Variants in KMT2C observed in about 807,000 individuals in gnomAD.
The protein encoded by KMT2C is lysine methyltransferase 2C, also known as histone-lysine N-methyltransferase 2C.
KMT2C carries 88 observed loss-of-function variants against 507.9 expected under a neutral mutation model. That is an observed-to-expected ratio of 0.17 (90% confidence interval 0.15 to 0.21). The LOEUF (loss-of-function observed/expected upper bound fraction) is 0.21, where lower values mean the gene tolerates loss of function less well. KMT2C is among the 10% of genes least tolerant of loss of function. The pLI, the probability that KMT2C is intolerant of heterozygous loss-of-function variation, is 1.00. For synonymous variants in KMT2C, 2,049 were observed against 2,080.8 expected (o/e 0.98, Z 0.42); for missense variants, 4,954 against 5,957.8 (o/e 0.83, Z 5.55).
intron 43 of KMT2C, among the ~76,000 whole-genome samples, chr7:152,160,641 T>TTA (rs973158660): frequency 8.2e-5 from 12 of 146,730 alleles, no homozygotes; most frequent in South Asian, 2.1e-4. Flanking sequence ...ATATTTATAT[T>TTA]TATATATATA....
intron 5 of KMT2C, among the ~76,000 whole-genome samples, chr7:152,311,459 T>C (rs548654100): frequency 9.2e-5 from 14 of 152,272 alleles, no homozygotes; most frequent in East Asian, 3.9e-4. Context: ...CCAAATAAAA[T>C]AGACTCAGAA....
intron 14 of KMT2C, among the ~76,000 whole-genome samples, chr7:152,243,066 G>A (rs1354310767): frequency 3.3e-5 from 5 of 152,208 alleles, no homozygotes; most frequent in African/African-American, 9.6e-5. Flanking sequence ...AGCTACAGCA[G>A]CAAACACTTC....
chr7:152,387,761 G>A (rs1287861854), intron 1 of KMT2C, among the ~76,000 whole-genome samples: 6 of 152,084 alleles, frequency 3.9e-5, no homozygotes, highest in African/African-American at 1.2e-4. Flanking sequence ...GTGAGCCACC[G>A]CGCCCGGCCT....
chr7:152,262,354 C>T (rs907310788), intron 9 of KMT2C, among the ~76,000 whole-genome samples: 1 of 152,186 alleles, frequency 6.6e-6, no homozygotes, highest in African/African-American at 2.4e-5. Context: ...CCCTCAACCT[C>T]GCAACACCAG....
chr7:152,170,507 G>A (rs1563230024), intron 40 of KMT2C, among the ~76,000 whole-genome samples: 1 of 152,134 alleles, frequency 6.6e-6, no homozygotes, highest in Non-Finnish European at 1.5e-5. Flanking sequence ...TCTACTTGCT[G>A]TGTTTGTTTG....
At chr7:152,240,420 T>G (rs2095361430) in intron 14 of KMT2C, among the ~76,000 whole-genome samples, 1 of 152,274 alleles carries the variant, frequency 6.6e-6, no homozygotes, top group South Asian at 2.1e-4. Flanking sequence ...TCTTCCTCTA[T>G]TTGACTTCCA....
intron 43 of KMT2C, among the ~76,000 whole-genome samples, chr7:152,161,525 G>A (rs1221187859): frequency 6.6e-6 from 1 of 151,734 alleles, no homozygotes; most frequent in African/African-American, 2.4e-5. Flanking sequence ...ACAGATTCTT[G>A]TAAAGGTATA....
rs2129164162 is a variant in KMT2C at position 152,248,265 on chromosome 7, T to C, written c.2169A>G (p.Glu723=). The change falls in exon 14 of 59, where the codon GAA becomes GAG. Residue 723 remains glutamate (E), a synonymous_variant. Coordinates refer to ENST00000262189, the MANE Select transcript of KMT2C (RefSeq NM_170606.3). ...EQLVIERLQG[E]KEQKENSELS... is the part of the protein sequence containing the mutation. ...GTTCAGAATTTTCTTTCTGTTCCTT[T>C]TCTCCTTGTAGCCTTTCTATAACCA... 1.2e-6 allele frequency: 2 copies of C among 1,613,950 alleles called. No homozygotes were observed. The highest frequency in any genetic ancestry group is 1.7e-6 in the Non-Finnish European group (2 of 1,179,814).
intron 2 of KMT2C, among the ~76,000 whole-genome samples, chr7:152,339,839 CAT>C (rs926071062): frequency 2.0e-5 from 3 of 152,070 alleles, no homozygotes; most frequent in African/African-American, 7.2e-5. Flanking sequence ...AGATAAATCT[CAT>C]ATATAGATAC....
rs960848362 is a variant in KMT2C, at chr7:152,154,034, A to G, written c.12252T>C (p.Ile4084=). ...GPRSGLISVA[I]TLHPTAAENI... ...CCTCAGCAGCTGTAGGATGCAGAGT[A>G]ATTGCTACAGATATAAGACCTGATC... Residue 4084 remains isoleucine, a synonymous_variant, in exon 48 of 59, where the codon ATT becomes ATC. Transcript: ENST00000262189. The G allele has an allele frequency of 1.2e-6, 2 of 1,613,978 alleles. No individual in the cohort carries two copies. The highest frequency in any genetic ancestry group is 1.3e-5 in the African/African-American group (1 of 74,916).
chr7:152,366,223 C>T (rs771084162), intron 1 of KMT2C, among the ~76,000 whole-genome samples: 7 of 152,168 alleles, frequency 4.6e-5, no homozygotes, highest in Non-Finnish European at 1.0e-4. Flanking sequence ...CCATATGATC[C>T]ACAAATTCCA....
chr7:152,412,932 T>A (rs13226979), intron 1 of KMT2C, among the ~76,000 whole-genome samples: 7,420 of 152,082 alleles, frequency 0.049, 297 homozygotes, highest in African/African-American at 0.1. Context: ...GATATAGGAA[T>A]CCCACTAAAA....
rs1383286174 is a variant in KMT2C, at chr7:152,139,881, T to C, written c.14344-90A>G. ...CAAAGGTTTCACCCTCGGGTCTTATTAGAAGCCATACTTAAGTTTCACTTG... is the reference window on the plus strand; with the variant it reads ...CAAAGGTTTCACCCTCGGGTCTTATCAGAAGCCATACTTAAGTTTCACTTG... On this transcript the variant is annotated intron_variant, in intron 55 of 58. Coordinates refer to ENST00000262189, the MANE Select transcript of KMT2C (RefSeq NM_170606.3). 17 of 811,556 alleles carry C rather than the reference T, an allele frequency of 2.1e-5. No homozygotes were observed. The Admixed American group carries it at 3.7e-4, about 17-fold the overall frequency. 50.3% of individuals were successfully genotyped at this position (811,556 alleles called of 1,614,324 possible).
intron 3 of KMT2C, among the ~76,000 whole-genome samples, chr7:152,328,045 G>A (rs1339042758): frequency 2.6e-5 from 4 of 151,958 alleles, no homozygotes; most frequent in Non-Finnish European, 5.9e-5. Flanking sequence ...GACACAGTGT[G>A]GTGAACAAAG....
Position 152,181,076 on chromosome 7 carries a change from G to A in KMT2C, c.6784C>T (p.Pro2262Ser), listed in dbSNP as rs2129119624. 1 of 1,614,194 alleles carries A rather than the reference G, an allele frequency of 6.2e-7. No homozygotes were observed. Among genetic ancestry groups the A allele is most frequent in the Non-Finnish European group, 8.5e-7 (1 of 1,180,036 alleles). ...QAAQNRGPAL[P>S]GPLVRPPDTC... ...TCAGGTGGCCTTACCAACGGGCCAG[G>A]TAAAGCTGGTCCTCGGTTTTGTGCT... Residue 2262 changes from proline to serine, a missense_variant, in exon 36 of 59, where the codon CCT becomes TCT. Transcript: ENST00000262189.
chr7:152,323,047 G>GA (rs943586614), intron 3 of KMT2C, among the ~76,000 whole-genome samples: 2 of 150,890 alleles, frequency 1.3e-5, no homozygotes, highest in African/African-American at 5.0e-5. Flanking sequence ...CAAGGATACA[G>GA]AAAAAATGGG....
intron 6 of KMT2C, among the ~76,000 whole-genome samples, chr7:152,290,220 A>ATATGTGTGTGTGTGTGTGTG (rs1554617001): frequency 3.5e-5 from 3 of 86,280 alleles, no homozygotes; most frequent in Admixed American, 3.1e-4. Context: ...TTATATATAT[A>ATATGTGTGTGTGTGTGTGTG]TGTGTGTGTG....
At chr7:152,267,945 T>G (rs73481081) in intron 7 of KMT2C, among the ~76,000 whole-genome samples, 723 of 128,688 alleles carry the variant, frequency 5.6e-3, no homozygotes, top group Middle Eastern at 0.019. Context: ...CTGTTCCCTC[T>G]GCTTGAAATT....
chr7:152,430,780 G>A (rs1381828393), intron 1 of KMT2C, among the ~76,000 whole-genome samples: 1 of 152,088 alleles, frequency 6.6e-6, no homozygotes, highest in African/African-American at 2.4e-5. Flanking sequence ...TGATCCTCCT[G>A]ACTCAGTCTC....
Sources: gnomAD v4.1 joint callset for allele counts (sites outside exome capture counted in the v4.1 genomes callset) on GRCh38, gnomAD v4.1.1 for gene constraint, MANE v1.5 for transcripts, NCBI Gene and HGNC (gene_info 2026-07-23, HGNC 2026-07-21) for gene names.